PTPRD: variants seen among roughly 807,000 people sequenced by gnomAD.
PTPRD encodes protein tyrosine phosphatase receptor type D, also known as receptor-type tyrosine-protein phosphatase delta.
A neutral mutation model predicts 214.5 loss-of-function variants in PTPRD; 34 were observed. The ratio of observed to expected loss-of-function variants is 0.16; its 90% CI spans 0.12 to 0.21. PTPRD has a LOEUF of 0.21. Ranked by LOEUF, PTPRD falls within the 10% of genes least tolerant of loss-of-function variation. The pLI is 1.00. For missense variants in PTPRD, 2,545 were observed against 2,398.7 expected (o/e 1.06, Z -1.27); for synonymous variants, 1,128 against 845.7 (o/e 1.33, Z -5.79).
At chr9:9,113,633 T>G (rs1432856895) in intron 10 of PTPRD, among the ~76,000 whole-genome samples, 1 of 152,096 alleles carries the variant, frequency 6.6e-6, no homozygotes, top group African/African-American at 2.4e-5. Context: ...TAAACAGGCT[T>G]CTGTGAACTA....
At chr9:8,848,996 T>G (rs1434704958) in intron 11 of PTPRD, among the ~76,000 whole-genome samples, 2 of 125,644 alleles carry the variant, frequency 1.6e-5, no homozygotes, top group Non-Finnish European at 3.6e-5. Flanking sequence ...CTATTACAAC[T>G]ATTACATATC....
At chr9:9,148,668 T>C (rs2099872733) in intron 10 of PTPRD, among the ~76,000 whole-genome samples, 6 of 152,120 alleles carry the variant, frequency 3.9e-5, no homozygotes, top group Admixed American at 3.9e-4. Flanking sequence ...AATAGAATAA[T>C]CCACTCTAAG....
At chr9:9,758,393 G>A (rs377703880) in intron 6 of PTPRD, among the ~76,000 whole-genome samples, 3 of 152,050 alleles carry the variant, frequency 2.0e-5, no homozygotes, top group Non-Finnish European at 4.4e-5. Flanking sequence ...TGTGATGGTG[G>A]CTGATGAGGG....
intron 11 of PTPRD, among the ~76,000 whole-genome samples, chr9:8,857,965 C>A (rs999048871): frequency 2.1e-4 from 31 of 148,870 alleles, no homozygotes; most frequent in Non-Finnish European, 4.0e-4. Flanking sequence ...TCCTCCTCCT[C>A]TTCCCGGGCC....
intron 12 of PTPRD, among the ~76,000 whole-genome samples, 187 bp from the exon 13 acceptor site, chr9:8,637,031 C>T (rs2154328973): frequency 6.6e-6 from 1 of 152,244 alleles, no homozygotes; most frequent in Non-Finnish European, 1.5e-5. Context: ...AGGGGAAGGA[C>T]ATAACTTTCT....
intron 5 of PTPRD, among the ~76,000 whole-genome samples, chr9:9,910,039 T>C (rs7860150): frequency 0.32 from 49,064 of 151,760 alleles, 9,424 homozygotes; most frequent in African/African-American, 0.53. Flanking sequence ...TCTGGAGCCA[T>C]AACCTCAGGT....
At chr9:8,379,049 G>A (rs935896908) in intron 37 of PTPRD, among the ~76,000 whole-genome samples, 1 of 152,050 alleles carries the variant, frequency 6.6e-6, no homozygotes, top group African/African-American at 2.4e-5. Flanking sequence ...AAAATTTCTA[G>A]CTAAAAGAAG....
intron 11 of PTPRD, among the ~76,000 whole-genome samples, chr9:8,764,156 T>C (rs79873559): frequency 6.6e-6 from 1 of 152,208 alleles, no homozygotes; most frequent in Admixed American, 6.5e-5. Flanking sequence ...CAGTCCTCTA[T>C]GGTTGTTGTA....
intron 10 of PTPRD, among the ~76,000 whole-genome samples, chr9:9,151,357 G>T (rs1447904142): frequency 6.6e-6 from 1 of 152,116 alleles, no homozygotes; most frequent in Non-Finnish European, 1.5e-5. Flanking sequence ...AACTCAACCT[G>T]GGTCACAGAT....
At chr9:10,262,996 G>C (rs146288182) in intron 3 of PTPRD, among the ~76,000 whole-genome samples, 1 of 152,132 alleles carries the variant, frequency 6.6e-6, no homozygotes, top group Non-Finnish European at 1.5e-5. Flanking sequence ...GGTTTTAAAA[G>C]GGGTTTCCCC....
chr9:8,698,130 A>C (rs1359521516), intron 12 of PTPRD, among the ~76,000 whole-genome samples: 1 of 152,214 alleles, frequency 6.6e-6, no homozygotes, highest in African/African-American at 2.4e-5. Flanking sequence ...ACCAGTTTTA[A>C]ATACAACACT....
intron 2 of PTPRD, among the ~76,000 whole-genome samples, chr9:10,406,986 AT>A (rs1306802483): frequency 6.6e-6 from 1 of 151,568 alleles, no homozygotes; most frequent in Non-Finnish European, 1.5e-5. Context: ...ATGTTCAATT[AT>A]TTTTGTATTA....
At chr9:9,793,556 A>G (rs1316515155) in intron 5 of PTPRD, among the ~76,000 whole-genome samples, 1 of 152,160 alleles carries the variant, frequency 6.6e-6, no homozygotes, top group African/African-American at 2.4e-5. Flanking sequence ...TTATGCTGTT[A>G]AGAAAGATTA....
intron 7 of PTPRD, among the ~76,000 whole-genome samples, chr9:9,581,582 T>C (rs963932682): frequency 2.0e-5 from 3 of 152,068 alleles, no homozygotes; most frequent in Non-Finnish European, 4.4e-5. Flanking sequence ...CGATAAATAA[T>C]CAATGACCAT....
chr9:9,641,456 T>C (rs1002848930), intron 7 of PTPRD, among the ~76,000 whole-genome samples: 1 of 152,104 alleles, frequency 6.6e-6, no homozygotes, highest in African/African-American at 2.4e-5. Context: ...TTTAACCCCA[T>C]GAACTGAGCA....
chr9:9,497,562 C>T (rs772052164), intron 8 of PTPRD, among the ~76,000 whole-genome samples: 48 of 152,058 alleles, frequency 3.2e-4, no homozygotes, highest in Non-Finnish European at 4.6e-4. Context: ...AGGGTGTTTA[C>T]GAACAAATAT....
chr9:10,325,988 T>G (rs1224253445), intron 3 of PTPRD, among the ~76,000 whole-genome samples: 1 of 151,812 alleles, frequency 6.6e-6, no homozygotes, highest in East Asian at 1.9e-4. Flanking sequence ...CATTGAGAAA[T>G]ATATCTGAGC....
In PTPRD at chr9:8,718,913, T is replaced by C. The variant is rs76811194; in HGVS notation, c.64+14867A>G. On this transcript the variant is annotated intron_variant, in intron 12 of 45. Coordinates refer to ENST00000381196, the MANE Select transcript of PTPRD (RefSeq NM_002839.4). ...GATCAATGGTGTTTTCTCATTAGTT[T>C]TATTTTGCTTTTGATTTATAAGCAC... Among the ~76,000 whole-genome samples, 800 of 152,300 alleles carry C rather than the reference T, an allele frequency of 5.3e-3. 12 individuals are homozygous for C. Among genetic ancestry groups the C allele is most frequent in the East Asian group, 0.051 (266 of 5,176 alleles).
intron 9 of PTPRD, among the ~76,000 whole-genome samples, chr9:9,352,524 C>T (rs928148699): frequency 6.6e-6 from 1 of 151,764 alleles, no homozygotes; most frequent in African/African-American, 2.4e-5. Flanking sequence ...TCTTTGGCTT[C>T]TGGAGTTAGT....
Sources: gnomAD v4.1 joint callset for allele counts (sites outside exome capture counted in the v4.1 genomes callset) on GRCh38, gnomAD v4.1.1 for gene constraint, MANE v1.5 for transcripts, NCBI Gene and HGNC (gene_info 2026-07-23, HGNC 2026-07-21) for gene names.